MTARC1: variants seen among roughly 807,000 people sequenced by gnomAD.
MTARC1 encodes the protein mitochondrial amidoxime-reducing component 1.
In MTARC1, 24 loss-of-function variants were observed where a neutral mutation model predicts 33.6. The observed-to-expected ratio is 0.72, with a 90% CI of 0.52 to 1.01. MTARC1 has a LOEUF of 1.01. Ranked by LOEUF, MTARC1 falls within the 50% of genes least tolerant of loss-of-function variation. MTARC1 has a pLI of 0.00. For synonymous variants in MTARC1, 187 were observed against 189.5 expected, an observed-to-expected ratio of 0.99 and a Z score of 0.11; for missense variants, 417 against 445.7, an observed-to-expected ratio of 0.94 and a Z score of 0.58.
intron 6 of MTARC1, 114 bp from the exon 7 acceptor site, chr1:220,813,178 A>G (rs1673189976): frequency 2.8e-6 from 4 of 1,408,768 alleles, no homozygotes; most frequent in South Asian, 2.5e-5. Context: ...CTTTGACGGG[A>G]TGGTGCCCTC....
intron 6 of MTARC1, among the ~76,000 whole-genome samples, chr1:220,812,713 C>T (rs1476826266): frequency 1.3e-5 from 2 of 150,512 alleles, no homozygotes. Context: ...TATGTCTAGA[C>T]ACATTGAGTA....
In MTARC1 at chr1:220,797,917, C is replaced by T. The variant is rs150590210; in HGVS notation, c.656C>T (p.Ala219Val). 23 of 1,614,170 alleles carry T rather than the reference C, an allele frequency of 1.4e-5. No individual in the cohort carries two copies. The highest frequency in any genetic ancestry group is 1.6e-4 in the Middle Eastern group (1 of 6,062). The part of the protein sequence containing the change: ...DTSPFLILSE[A>V]SLADLNSRLE... ...AGCCCATTCTTGATCCTTTCTGAGG[C>T]GTCGCTGGCGGATCTCAACTCCAGG... The change falls in exon 4 of 7, where the codon GCG becomes GTG. Residue 219 changes from alanine (A) to valine (V), a missense_variant. Physicochemically the swap from Ala to Val is moderately conservative, Grantham distance 64 (BLOSUM62 0). Coordinates refer to ENST00000366910, the MANE Select transcript of MTARC1 (RefSeq NM_022746.4).
chr1:220,805,884 T>C (rs946681604), intron 6 of MTARC1, among the ~76,000 whole-genome samples: 6 of 152,200 alleles, frequency 3.9e-5, no homozygotes, highest in African/African-American at 1.4e-4. Context: ...TCATTTTAAA[T>C]TGTATATAAA....
At chr1:220,801,874 A>G (rs1315484188) in intron 4 of MTARC1, among the ~76,000 whole-genome samples, 2 of 152,052 alleles carry the variant, frequency 1.3e-5, no homozygotes, top group African/African-American at 4.8e-5. Context: ...CTACCTTCTC[A>G]GCAACTGTGG....
chr1:220,814,363 CTG>C lies in MTARC1; in HGVS notation c.*948_*949del, dbSNP rs1673231783. On this transcript the variant is annotated 3_prime_UTR_variant, in exon 7 of 7. Transcript: ENST00000366910. ...CTAAACTTGAAAAATGTTTTTAAAA[CTG>C]TGAATAAATGGAAGCTACTTTGACT... 6.6e-6 allele frequency: 1 copy of C among 152,116 alleles called. No individual in the cohort carries two copies. Among genetic ancestry groups the C allele is most frequent in the African/African-American group, 2.4e-5 (1 of 41,408 alleles). The allele number at this position is 152,116 out of a possible 1,614,324, so 9.4% of individuals were successfully genotyped here.
intron 4 of MTARC1, chr1:220,798,659 G>A (rs749925425): frequency 7.0e-5 from 63 of 894,270 alleles, no homozygotes; most frequent in Non-Finnish European, 8.2e-5. Context: ...GAAGGCAGAG[G>A]TTGGTGGCCT....
intron 4 of MTARC1, among the ~76,000 whole-genome samples, chr1:220,800,912 C>T (rs1672777970): frequency 6.6e-6 from 1 of 152,102 alleles, no homozygotes; most frequent in South Asian, 2.1e-4. Flanking sequence ...CCACTCCCCT[C>T]TCTGCCCGGA....
chr1:220,796,255 T>A (rs1672611910), intron 2 of MTARC1, among the ~76,000 whole-genome samples: 1 of 152,228 alleles, frequency 6.6e-6, no homozygotes, highest in Admixed American at 6.5e-5. Context: ...TAAAGATTTC[T>A]GGTCGCTATT....
rs148529789 is a variant in MTARC1 at position 220,796,765 on chromosome 1, G to A, written c.572G>A (p.Arg191His). 35 of 1,612,350 alleles carry A rather than the reference G, an allele frequency of 2.2e-5. No homozygotes were observed. The highest frequency in any genetic ancestry group is 1.9e-4 in the African/African-American group (14 of 74,828). The change falls in exon 3 of 7, where the codon CGT becomes CAT. Residue 191 changes from arginine to histidine, a missense_variant. By Grantham distance (29) the Arg-to-His change is conservative. Coordinates refer to ENST00000366910, the MANE Select transcript of MTARC1 (RefSeq NM_022746.4). The stretch of plus-strand genomic sequence containing the variant: ...TTCGAGCCTCACATGCGACCGAGAC[G>A]TCCTCATCAAATAGCAGACTTGTTC... ...VHFEPHMRPR[R>H]PHQIADLFRP...
intron 4 of MTARC1, among the ~76,000 whole-genome samples, chr1:220,799,662 C>G (rs1437557015): frequency 6.6e-6 from 1 of 152,142 alleles, no homozygotes; most frequent in Non-Finnish European, 1.5e-5. Context: ...GGTGGCCTGC[C>G]CTAGGCTATA....
In MTARC1 at chr1:220,817,893, C is replaced by G. The variant is rs1673313921; in HGVS notation, c.*4475C>G. 1 of 152,258 alleles carries G rather than the reference C, an allele frequency of 6.6e-6. No individual in the cohort carries two copies. Among genetic ancestry groups the G allele is most frequent in the Non-Finnish European group, 1.5e-5 (1 of 68,108 alleles). 9.4% of individuals were successfully genotyped at this position (152,258 alleles called of 1,614,324 possible). On this transcript the variant is annotated 3_prime_UTR_variant, in exon 7 of 7. Transcript: ENST00000366910. ...CCACCACGCCCGGCCCTAGCTTTTC[C>G]TTTCTGTTGCAAGTCCTCTCAACTA... is the stretch of plus-strand genomic sequence containing the variant.
rs1673295402 is a variant in MTARC1, at chr1:220,816,995, G to A, written c.*3577G>A. 6.6e-6 allele frequency: 1 copy of A among 152,140 alleles called. No homozygotes were observed. The highest frequency in any genetic ancestry group is 1.5e-5 in the Non-Finnish European group (1 of 68,072). The allele number at this position is 152,140 out of a possible 1,614,324, so 9.4% of individuals were successfully genotyped here. Reference sequence around the variant, plus strand: ...TAACCTTGCCCTTACAGCAATACCTGTGATGTAAGTTACAAAACCACCTGT... The same window carrying A: ...TAACCTTGCCCTTACAGCAATACCTATGATGTAAGTTACAAAACCACCTGT... On this transcript the variant is annotated 3_prime_UTR_variant, in exon 7 of 7. Coordinates refer to ENST00000366910, the MANE Select transcript of MTARC1 (RefSeq NM_022746.4).
At chr1:220,789,896 G>A (rs1185449087) in intron 1 of MTARC1, among the ~76,000 whole-genome samples, 1 of 152,208 alleles carries the variant, frequency 6.6e-6, no homozygotes, top group African/African-American at 2.4e-5. Context: ...AGATGTTACT[G>A]GGGGCTGGGG....
chr1:220,809,030 T>C, intron 6 of MTARC1: 1 of 426,744 alleles, frequency 2.3e-6, no homozygotes, highest in Admixed American at 2.7e-5. Flanking sequence ...GTAATGACAT[T>C]TGCCAGCAGC....
At chr1:220,805,380 A>G in intron 6 of MTARC1, 106 bp downstream of exon 6, 1 of 1,221,894 alleles carries the variant, frequency 8.2e-7, no homozygotes, top group Non-Finnish European at 1.2e-6. Context: ...CACCACACAC[A>G]TAGTCTTGAA....
intron 4 of MTARC1, among the ~76,000 whole-genome samples, chr1:220,804,684 A>T (rs1204010296): frequency 6.6e-6 from 1 of 151,968 alleles, no homozygotes; most frequent in African/African-American, 2.4e-5. Flanking sequence ...GTAATGAACA[A>T]TGCCCCCATC....
chr1:220,804,984 A>T (rs1672926934), intron 4 of MTARC1, 68 bp from the exon 5 acceptor site: 1 of 1,559,230 alleles, frequency 6.4e-7, no homozygotes, highest in African/African-American at 1.4e-5. Context: ...GGCTCCTGGG[A>T]AATCTCTACA....
chr1:220,796,099 GATT>G (rs1320619403), intron 2 of MTARC1, among the ~76,000 whole-genome samples: 3 of 151,840 alleles, frequency 2.0e-5, no homozygotes, highest in Non-Finnish European at 4.4e-5. Context: ...AAATCCAGTA[GATT>G]ATTATTGTTA....
At chr1:220,813,186 C>G (rs1673190547) in intron 6 of MTARC1, 106 bp from the exon 7 acceptor site, 9 of 1,482,118 alleles carry the variant, frequency 6.1e-6, no homozygotes, top group Middle Eastern at 2.0e-4. Context: ...GGATGGTGCC[C>G]TCTCGAGCTG....
Sources: allele counts gnomAD v4.1 joint callset (sites outside exome capture counted in the v4.1 genomes callset), GRCh38; gene constraint gnomAD v4.1.1; transcripts MANE v1.5; gene names NCBI Gene and HGNC (gene_info 2026-07-23, HGNC 2026-07-21).